Variants in RHOQ observed in about 807,000 individuals in gnomAD.
RHOQ encodes the protein rho-related GTP-binding protein RhoQ.
A neutral mutation model predicts 25.8 loss-of-function variants in RHOQ; 7 were observed. The ratio of observed to expected loss-of-function variants is 0.27; its 90% CI spans 0.15 to 0.51. The LOEUF is 0.51. Among genes scored for constraint, RHOQ ranks in the 20% least tolerant of loss-of-function variants. The pLI is 0.97. For missense variants in RHOQ, 165 were observed against 260.6 expected (o/e 0.63, Z 2.53); for synonymous variants, 97 against 98.6 (o/e 0.98, Z 0.10).
chr2:46,581,095 A>T lies in RHOQ; in HGVS notation c.*12A>T. On this transcript the variant is annotated 3_prime_UTR_variant, in exon 5 of 5. Transcript: ENST00000238738. ...GTTTAATTACGTGAGAAACATCTTC[A>T]GTGGCCAAGGAAACTGTCCATTTCT... is the stretch of plus-strand genomic sequence containing the variant. 6.7e-7 allele frequency: 1 copy of T among 1,493,788 alleles called. No individual in the cohort carries two copies. The highest frequency in any genetic ancestry group is 2.4e-5 in the Admixed American group (1 of 42,486). 92.5% of individuals were successfully genotyped at this position (1,493,788 alleles called of 1,614,324 possible). A position where few individuals can be genotyped will look rare whatever the true frequency, so the allele number is the denominator to read the frequency against.
chr2:46,560,227 T>C (rs752718750), intron 2 of RHOQ, among the ~76,000 whole-genome samples: 1 of 152,220 alleles, frequency 6.6e-6, no homozygotes, highest in Non-Finnish European at 1.5e-5. Context: ...CGTGGGCCTG[T>C]TAAGTAAGTT....
At chr2:46,557,250 A>T (rs1305714703) in intron 2 of RHOQ, among the ~76,000 whole-genome samples, 1 of 152,206 alleles carries the variant, frequency 6.6e-6, no homozygotes, top group Non-Finnish European at 1.5e-5. Context: ...GTACCCAGAG[A>T]TTTACATAAA....
intron 2 of RHOQ, among the ~76,000 whole-genome samples, chr2:46,574,827 G>C (rs1277357632): frequency 2.6e-5 from 4 of 152,156 alleles, no homozygotes; most frequent in Admixed American, 2.0e-4. Flanking sequence ...TGTTCCATGA[G>C]GGAAATACTA....
At chr2:46,549,438 T>G (rs1361224759) in intron 2 of RHOQ, among the ~76,000 whole-genome samples, 2 of 152,092 alleles carry the variant, frequency 1.3e-5, no homozygotes, top group African/African-American at 4.8e-5. Context: ...GCCAACAAAG[T>G]AGCTCTCCAC....
At chr2:46,572,715 G>A (rs1397216391) in intron 2 of RHOQ, 2 of 443,958 alleles carry the variant, frequency 4.5e-6, no homozygotes, top group Admixed American at 2.5e-5. Context: ...AATATAATGG[G>A]TTTGTTAATT....
chr2:46,573,450 A>G (rs1232604770), intron 2 of RHOQ, among the ~76,000 whole-genome samples: 1 of 152,224 alleles, frequency 6.6e-6, no homozygotes, highest in African/African-American at 2.4e-5. Context: ...CTTTCCAAGG[A>G]GGTCTAAACA....
chr2:46,558,877 G>T (rs967965970), intron 2 of RHOQ, among the ~76,000 whole-genome samples: 2 of 152,086 alleles, frequency 1.3e-5, no homozygotes, highest in African/African-American at 2.4e-5. Context: ...TTTTTGAAAT[G>T]TGATTCTATT....
intron 2 of RHOQ, among the ~76,000 whole-genome samples, chr2:46,571,669 A>T (rs1668919637): frequency 6.6e-6 from 1 of 152,152 alleles, no homozygotes; most frequent in Non-Finnish European, 1.5e-5. Context: ...TTATATGTTT[A>T]TATCTTGAAT....
At chr2:46,553,393 G>A (rs1261556342) in intron 2 of RHOQ, among the ~76,000 whole-genome samples, 4 of 152,108 alleles carry the variant, frequency 2.6e-5, no homozygotes, top group Non-Finnish European at 5.9e-5. Flanking sequence ...CACATGAAAT[G>A]TTTAGATACA....
intron 2 of RHOQ, among the ~76,000 whole-genome samples, chr2:46,549,800 T>G (rs1327263817): frequency 6.6e-6 from 1 of 152,206 alleles, no homozygotes; most frequent in African/African-American, 2.4e-5. Flanking sequence ...TAGAACGCTC[T>G]CCTGCCCAGT....
chr2:46,560,434 C>T, intron 2 of RHOQ: 1 of 349,114 alleles, frequency 2.9e-6, no homozygotes, highest in South Asian at 2.2e-5. Flanking sequence ...TAGTTAGAAA[C>T]ATAAATATGA....
chr2:46,553,655 A>G (rs1271527153), intron 2 of RHOQ, among the ~76,000 whole-genome samples: 1 of 150,784 alleles, frequency 6.6e-6, no homozygotes, highest in Non-Finnish European at 1.5e-5. Flanking sequence ...GTCTTGGCTC[A>G]CTCAACCTCC....
chr2:46,569,352 A>G lies in RHOQ; in HGVS notation c.202-6735A>G, dbSNP rs1668839447. 1 of 152,236 alleles carries G rather than the reference A, an allele frequency of 6.6e-6. No homozygotes were observed. Among genetic ancestry groups the G allele is most frequent in the Non-Finnish European group, 1.5e-5 (1 of 68,048 alleles). The allele number at this position is 152,236 out of a possible 1,614,324, so 9.4% of individuals were successfully genotyped here. ...TCCCGTAGTGTGAACCTCCTCCCAC[A>G]TTAAATCTGCTAGTAGGGCTGCTCA... On this transcript the variant is annotated intron_variant, in intron 2 of 4. Transcript: ENST00000238738. This position sits in a 1 kb window ranked among gnomAD's most constrained non-coding sequence, Gnocchi z 4.1.
At chr2:46,572,347 C>T (rs1309643003) in intron 2 of RHOQ, among the ~76,000 whole-genome samples, 1 of 151,932 alleles carries the variant, frequency 6.6e-6, no homozygotes, top group South Asian at 2.1e-4. Flanking sequence ...AAGCAATCTC[C>T]CCACCTCGGC....
At chr2:46,560,718 C>G (rs1256982347) in intron 2 of RHOQ, 1 of 433,480 alleles carries the variant, frequency 2.3e-6, no homozygotes, top group Admixed American at 2.4e-5. Flanking sequence ...TCTCATTATG[C>G]AATTTCTACT....
chr2:46,567,822 T>C (rs1668781874), intron 2 of RHOQ, among the ~76,000 whole-genome samples: 1 of 152,112 alleles, frequency 6.6e-6, no homozygotes, highest in Non-Finnish European at 1.5e-5. Flanking sequence ...TTTAGGGGGC[T>C]GAGGCAGGAT....
Position 46,543,825 on chromosome 2 carries a change from G to T in RHOQ, c.201+13G>T, listed in dbSNP as rs766751286. On this transcript the variant is annotated intron_variant, in intron 2 of 4. Transcript: ENST00000238738. Reference sequence around the variant, plus strand: ...CACGGCCGGACAGGTGAGTGTCTTGGCCTCTGGCCGACGCCCCCCTCCTGT... The same window carrying T: ...CACGGCCGGACAGGTGAGTGTCTTGTCCTCTGGCCGACGCCCCCCTCCTGT... 1 of 1,611,206 alleles carries T rather than the reference G, an allele frequency of 6.2e-7. No individual in the cohort carries two copies. The highest frequency in any genetic ancestry group is 1.1e-5 in the South Asian group (1 of 90,560).
chr2:46,568,345 C>T (rs1368603918), intron 2 of RHOQ: 1 of 152,138 alleles, frequency 6.6e-6, no homozygotes, highest in Non-Finnish European at 1.5e-5. Flanking sequence ...AACCAACCTC[C>T]AGAAAGTATC....
rs559692231 is a variant in RHOQ at position 46,581,520 on chromosome 2, C to T, written c.*437C>T. ...TAAGTTGCTTTCTATTCCAGTATAT[C>T]CAGAGTGGTGAAATAACAAGGCCAG... On this transcript the variant is annotated 3_prime_UTR_variant, in exon 5 of 5. Transcript: ENST00000238738. 1 of 1,611,564 alleles carries T rather than the reference C, an allele frequency of 6.2e-7. No homozygotes were observed. Among genetic ancestry groups the T allele is most frequent in the South Asian group, 1.1e-5 (1 of 90,968 alleles).
Sources: allele counts gnomAD v4.1 joint callset (sites outside exome capture counted in the v4.1 genomes callset), GRCh38; gene constraint gnomAD v4.1.1; non-coding constraint Gnocchi (gnomAD v3.1); transcripts MANE v1.5; gene names NCBI Gene and HGNC (gene_info 2026-07-23, HGNC 2026-07-21).